Variants in APBB2 observed in about 807,000 individuals in gnomAD.
APBB2 encodes the protein Fe65-like 1.
A neutral mutation model predicts 82.5 loss-of-function variants in APBB2; 38 were observed. The ratio of observed to expected loss-of-function variants is 0.46; its 90% CI spans 0.36 to 0.60. APBB2 has a LOEUF of 0.60. APBB2 is among the 20% of genes least tolerant of loss of function. The pLI, the probability that APBB2 is intolerant of heterozygous loss-of-function variation, is 0.00. For missense variants in APBB2, 772 were observed against 972.3 expected (o/e 0.79, Z 2.74); for synonymous variants, 341 against 368.2 (o/e 0.93, Z 0.85).
In APBB2 at chr4:40,827,142, G is replaced by A; in HGVS notation, c.1722C>T (p.Val574=). 1.9e-6 allele frequency: 3 copies of A among 1,614,104 alleles called. No homozygotes were observed. Among genetic ancestry groups the A allele is most frequent in the Non-Finnish European group, 1.7e-6 (2 of 1,179,966 alleles). The change falls in exon 14 of 18, where the codon GTC becomes GTT. Residue 574 remains valine, a synonymous_variant. Coordinates refer to ENST00000508593, the MANE Select transcript of APBB2 (RefSeq NM_004307.2). The part of the protein sequence containing the change: ...LQERANVNLD[V]PLQVDFPTPK... ...GTGCCACTGACTTACCTTGCAAAGG[G>A]ACATCGAGGTTCACATTGGCCCTTT...
intron 6 of APBB2, among the ~76,000 whole-genome samples, chr4:40,962,899 C>T (rs75555982): frequency 0.02 from 3,023 of 152,300 alleles, 91 homozygotes; most frequent in African/African-American, 0.065. Flanking sequence ...ACCCACTAGG[C>T]CTCGAATTCC....
intron 10 of APBB2, among the ~76,000 whole-genome samples, chr4:40,919,386 A>G (rs1780693447): frequency 6.6e-6 from 1 of 152,198 alleles, no homozygotes; most frequent in Non-Finnish European, 1.5e-5. Context: ...TTCTCACATC[A>G]TCAGGTGCAT....
intron 6 of APBB2, among the ~76,000 whole-genome samples, chr4:40,975,199 A>C (rs1796844805): frequency 6.6e-6 from 1 of 152,120 alleles, no homozygotes; most frequent in Non-Finnish European, 1.5e-5. Flanking sequence ...ACTGCAAATA[A>C]TGTCTTGTCA....
intron 7 of APBB2, among the ~76,000 whole-genome samples, chr4:40,937,010 T>C (rs970574422): frequency 6.6e-6 from 1 of 152,188 alleles, no homozygotes; most frequent in South Asian, 2.1e-4. Flanking sequence ...AATATGGATG[T>C]GAGATGAGGA....
intron 12 of APBB2, among the ~76,000 whole-genome samples, chr4:40,877,961 T>C (rs1578147434): frequency 6.6e-6 from 1 of 152,050 alleles, no homozygotes. Context: ...GCAGGGTGCT[T>C]GGTGCAGAGA....
At chr4:40,839,181 G>A (rs1225105379) in intron 12 of APBB2, among the ~76,000 whole-genome samples, 3 of 151,814 alleles carry the variant, frequency 2.0e-5, no homozygotes, top group Admixed American at 1.3e-4. Flanking sequence ...AGACTCAAGC[G>A]ATCCTCCCGT....
At chr4:40,904,140 C>T (rs1055757996) in intron 10 of APBB2, among the ~76,000 whole-genome samples, 35 of 152,176 alleles carry the variant, frequency 2.3e-4, no homozygotes, top group Admixed American at 1.1e-3. Context: ...CTGAGAAATA[C>T]GGCAATTAGG....
At chr4:41,045,448 C>G (rs1235741050) in intron 4 of APBB2, among the ~76,000 whole-genome samples, 1 of 152,070 alleles carries the variant, frequency 6.6e-6, no homozygotes, top group East Asian at 1.9e-4. Context: ...CACCCACCAC[C>G]AAGCCCAGCT....
At chr4:40,863,915 A>AAAAAAC in intron 12 of APBB2, among the ~76,000 whole-genome samples, 1 of 150,582 alleles carries the variant, frequency 6.6e-6, no homozygotes, top group East Asian at 1.9e-4. Context: ...AAAAAAAAAA[A>AAAAAAC]AGCAAGCCAG....
In APBB2 at chr4:40,958,882, A is replaced by G. The variant is rs189838005; in HGVS notation, c.836-13809T>C. Among the ~76,000 whole-genome samples, 992 of 152,342 alleles carry G rather than the reference A, an allele frequency of 6.5e-3. 4 individuals are homozygous for G. The highest frequency in any genetic ancestry group is 0.02 in the Middle Eastern group (6 of 294). Reference sequence around the variant, plus strand: ...CGGCCTTCCAAAGTGTTGGGATTACAGGCGTGAGCCGCTGCACTCAGCCTT... The same window carrying G: ...CGGCCTTCCAAAGTGTTGGGATTACGGGCGTGAGCCGCTGCACTCAGCCTT... On this transcript the variant is annotated intron_variant, in intron 6 of 17. Coordinates refer to ENST00000508593, the MANE Select transcript of APBB2 (RefSeq NM_004307.2).
chr4:41,214,222 G>T (rs897959862), intron 1 of APBB2, among the ~76,000 whole-genome samples, 183 bp downstream of exon 1: 3 of 152,182 alleles, frequency 2.0e-5, no homozygotes, highest in African/African-American at 7.2e-5. Context: ...AGCTGCTGCA[G>T]GTGTGGCTGC....
intron 10 of APBB2, among the ~76,000 whole-genome samples, chr4:40,929,775 A>C (rs1417207703): frequency 6.6e-6 from 1 of 152,242 alleles, no homozygotes; most frequent in African/African-American, 2.4e-5. Context: ...ATTTTGCAAT[A>C]AGTGACAGAA....
intron 3 of APBB2, among the ~76,000 whole-genome samples, chr4:41,093,151 C>T (rs917246517): frequency 6.6e-6 from 1 of 152,180 alleles, no homozygotes; most frequent in African/African-American, 2.4e-5. Context: ...TTTTTCAAAG[C>T]CCAGATGAAA....
intron 4 of APBB2, among the ~76,000 whole-genome samples, chr4:41,040,357 T>G (rs561495730): frequency 6.6e-6 from 1 of 152,330 alleles, no homozygotes; most frequent in East Asian, 1.9e-4. Flanking sequence ...TAAAGCGAAG[T>G]ACTTCTATCA....
At chr4:41,197,012 A>C in intron 1 of APBB2, among the ~76,000 whole-genome samples, 1 of 152,170 alleles carries the variant, frequency 6.6e-6, no homozygotes, top group African/African-American at 2.4e-5. Flanking sequence ...TAATTTGAAG[A>C]CAATTAACAA....
At chr4:41,069,477 TAA>T (rs1214944401) in intron 3 of APBB2, among the ~76,000 whole-genome samples, 1 of 152,192 alleles carries the variant, frequency 6.6e-6, no homozygotes, top group African/African-American at 2.4e-5. Flanking sequence ...TCAAAAACTC[TAA>T]GACTGCTCTG....
At chr4:40,915,658 C>T (rs758552085) in intron 10 of APBB2, among the ~76,000 whole-genome samples, 3 of 152,058 alleles carry the variant, frequency 2.0e-5, no homozygotes, top group Non-Finnish European at 4.4e-5. Context: ...GAGTTCATAA[C>T]GTGCAAAGAC....
At chr4:41,022,720 T>C (rs1175181282) in intron 5 of APBB2, among the ~76,000 whole-genome samples, 6 of 152,220 alleles carry the variant, frequency 3.9e-5, no homozygotes, top group African/African-American at 1.2e-4. Flanking sequence ...TCATAAATGT[T>C]TGGAGAATAA....
intron 10 of APBB2, among the ~76,000 whole-genome samples, chr4:40,931,110 G>A (rs138200735): frequency 8.9e-4 from 135 of 152,232 alleles, no homozygotes; most frequent in Non-Finnish European, 1.4e-3. Context: ...TTGGTTCTTG[G>A]TGGACTGCAA....
Sources: allele counts gnomAD v4.1 joint callset (sites outside exome capture counted in the v4.1 genomes callset), GRCh38; gene constraint gnomAD v4.1.1; transcripts MANE v1.5; gene names NCBI Gene and HGNC (gene_info 2026-07-23, HGNC 2026-07-21).